EPB41L4A: variants seen among roughly 807,000 people sequenced by gnomAD.
The protein encoded by EPB41L4A is erythrocyte membrane protein band 4.1 like 4A.
Under a neutral mutation model 108.6 loss-of-function variants are expected in EPB41L4A, and 100 were observed. That is an observed-to-expected ratio of 0.92 (90% confidence interval 0.78 to 1.09). EPB41L4A has a LOEUF of 1.09. Ranked by LOEUF, EPB41L4A falls within the 50% of genes least tolerant of loss-of-function variation. The pLI, the probability that EPB41L4A is intolerant of heterozygous loss-of-function variation, is 0.00. For synonymous variants in EPB41L4A, 319 were observed against 289.0 expected (o/e 1.10, Z -1.05); for missense variants, 1,030 against 842.7 (o/e 1.22, Z -2.75).
chr5:112,362,275 C>A (rs1283488260), intron 1 of EPB41L4A, among the ~76,000 whole-genome samples: 1 of 124,806 alleles, frequency 8.0e-6, no homozygotes, highest in Non-Finnish European at 1.6e-5. Context: ...CAGCTTAGAG[C>A]ATTAATGTTT....
intron 1 of EPB41L4A, among the ~76,000 whole-genome samples, chr5:112,349,652 G>A (rs535664884): frequency 1.3e-5 from 2 of 152,194 alleles, no homozygotes; most frequent in Non-Finnish European, 2.9e-5. Flanking sequence ...GAATGTAAAT[G>A]GATTCACATT....
At chr5:112,365,616 A>G (rs187692513) in intron 1 of EPB41L4A, among the ~76,000 whole-genome samples, 277 of 152,342 alleles carry the variant, frequency 1.8e-3, no homozygotes, top group African/African-American at 6.3e-3. Context: ...GTTACAACTA[A>G]GGAACCAACA....
intron 1 of EPB41L4A, among the ~76,000 whole-genome samples, chr5:112,308,134 A>T (rs1252116878): frequency 6.6e-6 from 1 of 152,166 alleles, no homozygotes; most frequent in African/African-American, 2.4e-5. Flanking sequence ...CACCTACTAC[A>T]TATACAGATT....
intron 1 of EPB41L4A, among the ~76,000 whole-genome samples, chr5:112,325,240 G>A (rs758649909): frequency 1.3e-5 from 2 of 152,152 alleles, no homozygotes; most frequent in Non-Finnish European, 2.9e-5. Context: ...AGGAGATCAG[G>A]ACCATCCTGG....
chr5:112,166,310 C>T (rs1403144131), intron 22 of EPB41L4A, among the ~76,000 whole-genome samples: 2 of 152,184 alleles, frequency 1.3e-5, no homozygotes, highest in East Asian at 1.9e-4. Context: ...GCCCCTTCTC[C>T]GCTTGGCAGC....
intron 1 of EPB41L4A, among the ~76,000 whole-genome samples, chr5:112,411,802 T>C (rs1762429478): frequency 6.6e-6 from 1 of 152,154 alleles, no homozygotes; most frequent in Admixed American, 6.5e-5. Flanking sequence ...GCAGCGAGGA[T>C]GGCAGAGAAA....
chr5:112,279,200 T>G (rs1298813716), intron 3 of EPB41L4A, among the ~76,000 whole-genome samples: 1 of 151,932 alleles, frequency 6.6e-6, no homozygotes, highest in African/African-American at 2.4e-5. Flanking sequence ...GGAAAGGCGA[T>G]GAGAAACAAC....
At chr5:112,215,762 CA>C (rs374126290) in intron 12 of EPB41L4A, among the ~76,000 whole-genome samples, 12 of 101,370 alleles carry the variant, frequency 1.2e-4, no homozygotes, top group African/African-American at 2.4e-4. Flanking sequence ...GACTCCATCT[CA>C]AAAAAAAAAA....
intron 1 of EPB41L4A, among the ~76,000 whole-genome samples, chr5:112,380,270 T>C (rs1760081327): frequency 6.6e-6 from 1 of 152,182 alleles, no homozygotes; most frequent in African/African-American, 2.4e-5. Flanking sequence ...GAGAAAAGCA[T>C]ACAAAGGTAT....
At chr5:112,214,779 A>G (rs1411375711) in intron 12 of EPB41L4A, among the ~76,000 whole-genome samples, 5 of 151,600 alleles carry the variant, frequency 3.3e-5, no homozygotes, top group Non-Finnish European at 7.4e-5. Flanking sequence ...AGGCAAAAAC[A>G]AAAGAAAAAA....
chr5:112,240,890 G>A (rs893204032), intron 9 of EPB41L4A, 80 bp from the exon 10 acceptor site: 9 of 782,712 alleles, frequency 1.1e-5, no homozygotes, highest in African/African-American at 1.1e-4. Context: ...CCCCCTTTAA[G>A]TAACAAAAAT....
In EPB41L4A at chr5:112,265,119, T is replaced by C. The variant is rs1168667150; in HGVS notation, c.434-103A>G. The C allele has an allele frequency of 9.3e-6, 10 of 1,077,924 alleles. No homozygotes were observed. The African/African-American group carries it at 1.6e-4, about 17-fold the overall frequency. The allele number at this position is 1,077,924 out of a possible 1,614,324, so 66.8% of individuals were successfully genotyped here. On this transcript the variant is annotated intron_variant, in intron 5 of 22. Transcript: ENST00000261486. ...ATGCTTAAACATTTTTTCAAATGTC[T>C]TACTAAAATTCACATATAAGACAAC... is the stretch of plus-strand genomic sequence containing the variant.
intron 1 of EPB41L4A, among the ~76,000 whole-genome samples, chr5:112,410,516 G>A (rs1380640335): frequency 6.6e-6 from 1 of 152,146 alleles, no homozygotes; most frequent in African/African-American, 2.4e-5. Flanking sequence ...ATGTTTAGGA[G>A]GTGGGAATTC....
chr5:112,184,625 A>C (rs570380674), intron 17 of EPB41L4A, among the ~76,000 whole-genome samples: 19 of 152,240 alleles, frequency 1.2e-4, no homozygotes, highest in Admixed American at 2.0e-4. Context: ...AGAAATCTAG[A>C]AGTACAAAAA....
chr5:112,224,837 C>A (rs1430676941), intron 12 of EPB41L4A, among the ~76,000 whole-genome samples: 2 of 152,146 alleles, frequency 1.3e-5, no homozygotes, highest in Non-Finnish European at 2.9e-5. Flanking sequence ...AAAGAAGAGC[C>A]ACAATCACAC....
intron 9 of EPB41L4A, among the ~76,000 whole-genome samples, chr5:112,241,716 C>T (rs1208961920): frequency 1.3e-5 from 2 of 152,074 alleles, no homozygotes; most frequent in Non-Finnish European, 2.9e-5. Context: ...TGAGCATTCT[C>T]GGATTTGGGA....
At chr5:112,404,573 T>C (rs1451758486) in intron 1 of EPB41L4A, among the ~76,000 whole-genome samples, 1 of 152,208 alleles carries the variant, frequency 6.6e-6, no homozygotes, top group Non-Finnish European at 1.5e-5. Context: ...TTCTCCAAGC[T>C]AGGAAATGAA....
At chr5:112,346,861 G>A (rs934804388) in intron 1 of EPB41L4A, among the ~76,000 whole-genome samples, 11 of 152,336 alleles carry the variant, frequency 7.2e-5, no homozygotes, top group African/African-American at 2.6e-4. Context: ...TTTGGGCAAT[G>A]GCTTTGAAAG....
intron 1 of EPB41L4A, among the ~76,000 whole-genome samples, chr5:112,344,465 G>A (rs948125395): frequency 6.6e-6 from 1 of 152,198 alleles, no homozygotes; most frequent in Non-Finnish European, 1.5e-5. Flanking sequence ...TGTACATGGG[G>A]GTTCACTGAC....
Sources: gnomAD v4.1 joint callset for allele counts (sites outside exome capture counted in the v4.1 genomes callset) on GRCh38, gnomAD v4.1.1 for gene constraint, MANE v1.5 for transcripts, NCBI Gene and HGNC (gene_info 2026-07-23, HGNC 2026-07-21) for gene names.